Variants in PTPDC1 observed in about 807,000 individuals in gnomAD.
The protein encoded by PTPDC1 is protein tyrosine phosphatase domain containing 1.
PTPDC1 carries 53 observed loss-of-function variants against 75.3 expected under a neutral mutation model. That is an observed-to-expected ratio of 0.70 (90% CI 0.56 to 0.88). PTPDC1 has a LOEUF of 0.88. Ranked by LOEUF, PTPDC1 falls within the 40% of genes least tolerant of loss-of-function variation. The pLI is 0.00. For missense variants in PTPDC1, 925 were observed against 998.6 expected (o/e 0.93, Z 0.99); for synonymous variants, 349 against 366.2 (o/e 0.95, Z 0.54).
chr9:94,064,788 G>C (rs757270581), exon 2 of PTPDC1: 6 of 1,613,474 alleles, frequency 3.7e-6, no homozygotes, highest in Admixed American at 1.7e-5. Context: ...TTCTACCTTG[G>C]TGAATAACAG....
At chr9:94,052,279 A>C (rs1477600092) in intron 1 of PTPDC1, among the ~76,000 whole-genome samples, 1 of 152,086 alleles carries the variant, frequency 6.6e-6, no homozygotes, top group African/African-American at 2.4e-5. Context: ...CAGTTACCCA[A>C]CTATCTTTCA....
chr9:94,087,872 A>C lies in PTPDC1; in HGVS notation c.458A>C (p.Glu153Ala). 1 of 1,613,940 alleles carries C rather than the reference A, an allele frequency of 6.2e-7. No homozygotes were observed. The highest frequency in any genetic ancestry group is 1.3e-5 in the African/African-American group (1 of 75,008). ...NILAMARPSS[E>A]LLEKYHIIDQ... ...CTGGCCATGGCCCGCCCATCCTCTG[A>C]GCTCCTGGAGAAGTACCACATCATT... The change falls in exon 3 of 9, where the codon GAG (glutamate) becomes GCG (alanine). Residue 153 changes from glutamate to alanine, a missense_variant. By Grantham distance (107) the Glu-to-Ala change is moderately radical. Coordinates refer to ENST00000620992, the MANE Select transcript of PTPDC1 (RefSeq NM_001253829.2).
intron 1 of PTPDC1, among the ~76,000 whole-genome samples, chr9:94,039,010 G>A (rs1287358240): frequency 6.6e-6 from 1 of 152,102 alleles, no homozygotes; most frequent in Non-Finnish European, 1.5e-5. Flanking sequence ...CTTCACTCTT[G>A]AATTCTTTAT....
At chr9:94,080,988 C>CTTTTTTTTTTTTTTTTTTTTTT (rs1254750314), upstream of PTPDC1, among the ~76,000 whole-genome samples, 1 of 127,556 alleles carries the variant, frequency 7.8e-6, no homozygotes. Flanking sequence ...TTTTCTTTTT[C>CTTTTTTTTTTTTTTTTTTTTTT]TTTTTCTTTT....
At chr9:94,098,912 C>T (rs1827732020) in intron 6 of PTPDC1, among the ~76,000 whole-genome samples, 1 of 152,220 alleles carries the variant, frequency 6.6e-6, no homozygotes, top group Non-Finnish European at 1.5e-5. Flanking sequence ...TGACTAGAAG[C>T]ATCTTTATGA....
upstream of PTPDC1, among the ~76,000 whole-genome samples, chr9:94,081,967 T>C (rs2117957030): frequency 6.6e-6 from 1 of 152,298 alleles, no homozygotes; most frequent in Middle Eastern, 3.4e-3. Flanking sequence ...ATAGAATGGA[T>C]TTTAACTCAA....
intron 1 of PTPDC1, chr9:94,038,129 C>A: frequency 1.7e-6 from 1 of 585,948 alleles, no homozygotes; most frequent in Non-Finnish European, 3.2e-6. Context: ...GCATAATCTC[C>A]ATGGTCTCTT....
chr9:94,084,792 G>T lies in PTPDC1; in HGVS notation c.244+18G>T. The T allele has an allele frequency of 6.6e-7, 1 of 1,503,886 alleles. No individual in the cohort carries two copies. The highest frequency in any genetic ancestry group is 9.0e-7 in the Non-Finnish European group (1 of 1,112,120). 93.2% of individuals were successfully genotyped at this position (1,503,886 alleles called of 1,614,324 possible). A position where few individuals can be genotyped will look rare whatever the true frequency, so the allele number is the denominator to read the frequency against. On this transcript the variant is annotated intron_variant, in intron 1 of 8. Transcript: ENST00000620992. ...AAGTAAAGGTCTCTTTCTTCTTATA[G>T]ATTGCCATACCTATGTATATAAGTT...
Position 94,085,462 on chromosome 9 carries a change from C to T in PTPDC1, c.416+40C>T, listed in dbSNP as rs771050887. 4 of 1,605,774 alleles carry T rather than the reference C, an allele frequency of 2.5e-6. No individual in the cohort carries two copies. The Admixed American group carries it at 6.7e-5, about 27-fold the overall frequency. On this transcript the variant is annotated intron_variant, in intron 2 of 8. Coordinates refer to ENST00000620992, the MANE Select transcript of PTPDC1 (RefSeq NM_001253829.2). ...TGGTCTTTCATAGCTCTGTTGGATA[C>T]AGGAAGGACACTCTGTGTGAGCCAG... is the stretch of plus-strand genomic sequence containing the variant.
intron 2 of PTPDC1, among the ~76,000 whole-genome samples, chr9:94,074,604 G>A (rs1235572573): frequency 2.0e-5 from 3 of 152,186 alleles, no homozygotes; most frequent in African/African-American, 7.2e-5. Flanking sequence ...GTGGAGTTGG[G>A]AGTTCAGCTC....
intron 8 of PTPDC1, among the ~76,000 whole-genome samples, chr9:94,105,701 G>T (rs1183319193): frequency 1.4e-5 from 2 of 148,016 alleles, no homozygotes; most frequent in Non-Finnish European, 3.0e-5. Flanking sequence ...AGGCATGGTG[G>T]CTCAAGCCTG....
intron 2 of PTPDC1, among the ~76,000 whole-genome samples, chr9:94,069,950 G>A (rs753358922): frequency 4.1e-5 from 6 of 147,922 alleles, no homozygotes; most frequent in East Asian, 2.0e-4. Flanking sequence ...TCAGCCTCCC[G>A]AGTAGCTGGG....
chr9:94,075,590 A>G (rs1677556776), intron 2 of PTPDC1, among the ~76,000 whole-genome samples: 1 of 152,184 alleles, frequency 6.6e-6, no homozygotes, highest in African/African-American at 2.4e-5. Context: ...TACTGGAGGC[A>G]ATAAAGAATC....
chr9:94,055,448 T>A (rs1333534799), intron 1 of PTPDC1, among the ~76,000 whole-genome samples: 1 of 152,254 alleles, frequency 6.6e-6, no homozygotes, highest in East Asian at 1.9e-4. Flanking sequence ...GCAACCAAGA[T>A]GTGCTTCAAT....
intron 2 of PTPDC1, among the ~76,000 whole-genome samples, chr9:94,087,329 C>CA (rs955448861): frequency 2.0e-5 from 3 of 152,024 alleles, no homozygotes; most frequent in Non-Finnish European, 4.4e-5. Context: ...ACGGGTGCAC[C>CA]AAAATCTCAA....
At chr9:94,063,551 C>A (rs967965971) in intron 1 of PTPDC1, among the ~76,000 whole-genome samples, 1 of 152,142 alleles carries the variant, frequency 6.6e-6, no homozygotes, top group Non-Finnish European at 1.5e-5. Flanking sequence ...CTTTAGATCA[C>A]CCCTGTGATT....
intron 2 of PTPDC1, among the ~76,000 whole-genome samples, chr9:94,087,094 G>C (rs1827099391): frequency 6.6e-6 from 1 of 152,164 alleles, no homozygotes; most frequent in Non-Finnish European, 1.5e-5. Context: ...CCCTCCTCAT[G>C]TAAGTCACTA....
At chr9:94,094,740 G>A (rs78089247) in intron 4 of PTPDC1, among the ~76,000 whole-genome samples, 5 of 152,242 alleles carry the variant, frequency 3.3e-5, no homozygotes, top group Admixed American at 6.5e-5. Context: ...CTCCGTGGGC[G>A]TAGGACCCTC....
intron 2 of PTPDC1, among the ~76,000 whole-genome samples, chr9:94,072,067 G>C (rs925165600): frequency 1.3e-5 from 2 of 152,148 alleles, no homozygotes; most frequent in African/African-American, 4.8e-5. Context: ...GAGTGCAGTG[G>C]CATGAACTCA....
Sources: gnomAD v4.1 joint callset for allele counts (sites outside exome capture counted in the v4.1 genomes callset) on GRCh38, gnomAD v4.1.1 for gene constraint, MANE v1.5 for transcripts, NCBI Gene and HGNC (gene_info 2026-07-23, HGNC 2026-07-21) for gene names.